The following RBM4B variants were observed in gnomAD, a reference collection of about 807,000 sequenced individuals.
The protein encoded by RBM4B is RNA-binding protein 4B.
A neutral mutation model predicts 28.5 loss-of-function variants in RBM4B; 13 were observed. That is an observed-to-expected ratio of 0.46 (90% CI 0.30 to 0.72). The LOEUF is 0.72. RBM4B is among the 30% of genes least tolerant of loss of function. The pLI is 0.09. For missense variants in RBM4B, 387 were observed against 477.6 expected (o/e 0.81, Z 1.77); for synonymous variants, 167 against 179.1 (o/e 0.93, Z 0.54).
chr11:66,676,902 G>C lies in RBM4B; in HGVS notation c.178C>G (p.Leu60Val). ...DAIRNLHHYK[L>V]HGVNINVEAS... Reference sequence around the variant, plus strand: ...TCCACGTTGATGTTCACCCCATGAAGCTTGTAATGGTGCAGGTTGCGTATG... The same window carrying C: ...TCCACGTTGATGTTCACCCCATGAACCTTGTAATGGTGCAGGTTGCGTATG... The change falls in exon 2 of 4, where the codon CTT becomes GTT. Residue 60 changes from leucine (L) to valine (V), a missense_variant. Leu to Val is a conservative substitution (Grantham distance 32). Around this residue, in one of 2 missense-constraint regions of RBM4B, gnomAD observed 161 missense variants for 256.9 expected, o/e 0.63. Coordinates refer to ENST00000310046, the MANE Select transcript of RBM4B (RefSeq NM_031492.4). 1 of 1,614,152 alleles carries C rather than the reference G, an allele frequency of 6.2e-7. No homozygotes were observed. The highest frequency in any genetic ancestry group is 8.5e-7 in the Non-Finnish European group (1 of 1,180,030).
intron 2 of RBM4B, chr11:66,676,101 C>CA (rs1173102321): frequency 6.5e-6 from 1 of 154,534 alleles, no homozygotes; most frequent in African/African-American, 2.4e-5. Flanking sequence ...CAGAACACTC[C>CA]ATGGCATGTT....
chr11:66,668,416 T>C, intron 3 of RBM4B, 199 bp downstream of exon 3: 1 of 525,328 alleles, frequency 1.9e-6, no homozygotes, highest in Non-Finnish European at 3.4e-6. Flanking sequence ...AACAAGTTGG[T>C]TGGAGTCATA....
intron 1 of RBM4B, chr11:66,677,385 G>A (rs1430311635): frequency 6.7e-6 from 3 of 448,266 alleles, no homozygotes; most frequent in Admixed American, 7.7e-5. Flanking sequence ...TGAGGGAAGA[G>A]AAAAGCCCAA....
chr11:66,672,429 A>C (rs1016256258), intron 2 of RBM4B, among the ~76,000 whole-genome samples: 13 of 144,020 alleles, frequency 9.0e-5, no homozygotes, highest in African/African-American at 1.8e-4. Flanking sequence ...AAAAAAAAAA[A>C]CCCACAAAAA....
chr11:66,673,297 T>C (rs1939528604), intron 2 of RBM4B, among the ~76,000 whole-genome samples: 1 of 152,066 alleles, frequency 6.6e-6, no homozygotes, highest in South Asian at 2.1e-4. Context: ...TCTAAGGAAA[T>C]AAGTTGAGTT....
intron 3 of RBM4B, chr11:66,665,807 G>A (rs1939209585): frequency 1.4e-6 from 2 of 1,460,474 alleles, no homozygotes; most frequent in Middle Eastern, 1.7e-4. Flanking sequence ...ATGCAATCTA[G>A]CTGAAGAATG....
chr11:66,677,046 C>A lies in RBM4B; in HGVS notation c.34G>T (p.Glu12Ter). ...GAGCGAATCTCCTGCTCTGTAGCCTCCCGGGGAAGGTTTCCGATGAACAGC... is the reference window on the plus strand; with the variant it reads ...GAGCGAATCTCCTGCTCTGTAGCCTACCGGGGAAGGTTTCCGATGAACAGC... ...VKLFIGNLPR[E>*]ATEQEIRSLF... Residue 12 changes from glutamate (E) to a stop codon, truncating the protein, a stop_gained, in exon 2 of 4, where the codon GAG becomes TAG. Coordinates refer to ENST00000310046, the MANE Select transcript of RBM4B (RefSeq NM_031492.4). LOFTEE classifies it high-confidence loss of function. 6.2e-7 allele frequency: 1 copy of A among 1,614,094 alleles called. No individual in the cohort carries two copies. The highest frequency in any genetic ancestry group is 8.5e-7 in the Non-Finnish European group (1 of 1,179,980).
chr11:66,668,536 TC>T, intron 3 of RBM4B, 78 bp downstream of exon 3: 1 of 1,206,488 alleles, frequency 8.3e-7, no homozygotes, highest in Non-Finnish European at 1.2e-6. Flanking sequence ...CACAGGTGGC[TC>T]TAGCCACTTT....
chr11:66,671,086 C>T, intron 2 of RBM4B: 1 of 696,828 alleles, frequency 1.4e-6, no homozygotes, highest in Non-Finnish European at 2.6e-6. Flanking sequence ...AGTCAAATTC[C>T]TTCTGCCCAA....
intron 2 of RBM4B, among the ~76,000 whole-genome samples, chr11:66,670,567 G>A (rs1343268464): frequency 6.6e-6 from 1 of 152,126 alleles, no homozygotes; most frequent in Non-Finnish European, 1.5e-5. Flanking sequence ...GACCCTTACT[G>A]ATGAAAGCAT....
chr11:66,674,419 G>C (rs575883092), intron 2 of RBM4B, among the ~76,000 whole-genome samples: 1 of 151,282 alleles, frequency 6.6e-6, no homozygotes, highest in South Asian at 2.1e-4. Flanking sequence ...TAGTAGAGAC[G>C]GGGTTTCACC....
In RBM4B at chr11:66,665,007, T is replaced by C. The variant is rs1436497259; in HGVS notation, c.*581A>G. The C allele has an allele frequency of 6.6e-6, 1 of 152,488 alleles. No individual in the cohort carries two copies. Among genetic ancestry groups the C allele is most frequent in the Non-Finnish European group, 1.5e-5 (1 of 68,258 alleles). 9.4% of individuals were successfully genotyped at this position (152,488 alleles called of 1,614,324 possible). ...CAAACATAAAAAGATATTTAAGTGT[T>C]AGAAACATTTATTTGTCAAAAAATT... On this transcript the variant is annotated 3_prime_UTR_variant, in exon 4 of 4. Coordinates refer to ENST00000310046, the MANE Select transcript of RBM4B (RefSeq NM_031492.4).
chr11:66,669,469 G>A (rs1187243081), intron 2 of RBM4B, among the ~76,000 whole-genome samples, 178 bp from the exon 3 acceptor site: 3 of 150,838 alleles, frequency 2.0e-5, no homozygotes, highest in Non-Finnish European at 4.4e-5. Flanking sequence ...TTTTTGAGAC[G>A]GAGTTTCCCT....
intron 2 of RBM4B, 92 bp downstream of exon 2, chr11:66,676,576 G>C: frequency 7.1e-7 from 1 of 1,416,662 alleles, no homozygotes; most frequent in South Asian, 1.3e-5. Context: ...CAGAATGGAA[G>C]AGACCACCCA....
At chr11:66,673,957 G>A (rs1383463596) in intron 2 of RBM4B, among the ~76,000 whole-genome samples, 1 of 152,184 alleles carries the variant, frequency 6.6e-6, no homozygotes, top group Admixed American at 6.5e-5. Context: ...TAGGAGGAGA[G>A]TGCTATCTCC....
chr11:66,671,677 T>G (rs887641249), intron 2 of RBM4B, among the ~76,000 whole-genome samples: 1 of 152,144 alleles, frequency 6.6e-6, no homozygotes, highest in Non-Finnish European at 1.5e-5. Flanking sequence ...GGAAATCAAG[T>G]TTATCTGTGG....
At position 66,668,984 on chromosome 11, in the gene RBM4B, T is replaced by C. The variant is rs138950956; in HGVS notation, c.720A>G (p.Ala240=). Residue 240 remains alanine, a synonymous_variant, in exon 3 of 4, where the codon GCA becomes GCG. Coordinates refer to ENST00000310046, the MANE Select transcript of RBM4B (RefSeq NM_031492.4). The stretch of plus-strand genomic sequence containing the variant: ...ACATGGTCTGCTCTGCGTAGTTGTA[T>C]GCAGAAGCCGCTGCCGCCGCTGCTA... ...EAVAAAAAAS[A]YNYAEQTMSH... 25 of 1,614,066 alleles carry C rather than the reference T, an allele frequency of 1.5e-5. No homozygotes were observed. The Admixed American group carries it at 2.5e-4, about 16-fold the overall frequency.
chr11:66,670,156 G>C (rs548241960), intron 2 of RBM4B, among the ~76,000 whole-genome samples: 18 of 152,168 alleles, frequency 1.2e-4, no homozygotes, highest in African/African-American at 4.3e-4. Flanking sequence ...AACCATACCT[G>C]GCTTGTCATC....
intron 3 of RBM4B, 174 bp from the exon 4 acceptor site, chr11:66,665,752 T>G: frequency 1.5e-6 from 2 of 1,291,378 alleles, no homozygotes; most frequent in Non-Finnish European, 2.1e-6. Context: ...AGTCTATCAA[T>G]AGCTATATAT....
Sources: allele counts gnomAD v4.1 joint callset (sites outside exome capture counted in the v4.1 genomes callset), GRCh38; gene constraint gnomAD v4.1.1; regional missense constraint gnomAD v4.1.1; transcripts MANE v1.5; gene names NCBI Gene and HGNC (gene_info 2026-07-23, HGNC 2026-07-21).